The following SNX24 variants were observed in gnomAD, a reference collection of about 807,000 sequenced individuals.
SNX24 encodes the protein sorting nexin 24.
Under a neutral mutation model 28.7 loss-of-function variants are expected in SNX24, and 22 were observed. The observed-to-expected ratio is 0.77, with a 90% confidence interval of 0.55 to 1.10. SNX24 has a LOEUF of 1.10. Ranked by LOEUF, SNX24 falls within the 50% of genes least tolerant of loss-of-function variation. SNX24 has a pLI of 0.00. For missense variants in SNX24, 221 were observed against 201.1 expected (o/e 1.10, Z -0.60); for synonymous variants, 69 against 71.5 (o/e 0.96, Z 0.18).
chr5:122,851,357 A>G (rs1213247992), intron 1 of SNX24, among the ~76,000 whole-genome samples: 3 of 151,930 alleles, frequency 2.0e-5, no homozygotes, highest in African/African-American at 7.3e-5. Context: ...GTAGAGATGG[A>G]GTTTCATCAT....
chr5:122,928,070 C>T (rs1758778958), intron 1 of SNX24, among the ~76,000 whole-genome samples: 1 of 152,170 alleles, frequency 6.6e-6, no homozygotes, highest in Admixed American at 6.6e-5. Flanking sequence ...TTTCCACATG[C>T]AGTCATCAGC....
At chr5:122,970,288 T>G (rs967344223) in intron 3 of SNX24, among the ~76,000 whole-genome samples, 1 of 151,630 alleles carries the variant, frequency 6.6e-6, no homozygotes, top group Admixed American at 6.6e-5. Flanking sequence ...TTAAATGAAC[T>G]GCTCTATTTC....
intron 3 of SNX24, among the ~76,000 whole-genome samples, chr5:122,953,486 T>C (rs914415865): frequency 6.6e-6 from 1 of 151,022 alleles, no homozygotes; most frequent in African/African-American, 2.4e-5. Flanking sequence ...ACATAGCCAG[T>C]GATATTTCAG....
intron 5 of SNX24, chr5:123,025,999 A>G (rs372864400): frequency 4.0e-4 from 625 of 1,554,002 alleles, no homozygotes; most frequent in Admixed American, 6.1e-4. Context: ...AAGTCAACAG[A>G]TGTCTTCCAA....
rs147248730 is a variant in SNX24 at position 123,015,201 on chromosome 5, C to T, written n.383+13197C>T. The stretch of plus-strand genomic sequence containing the variant: ...GGCCCAGAGTCAATGTGAAGAACAA[C>T]TGTTGAATGGGTGGGTGGATGGCAG... On this transcript the variant is annotated intron_variant and non_coding_transcript_variant, in intron 5 of 5. Coordinates refer to the SNX24 transcript ENST00000502387. Among the ~76,000 whole-genome samples the T allele has an allele frequency of 1.2e-4, 19 of 152,342 alleles. 1 individual carries two copies. In the East Asian group the frequency reaches 3.3e-3, roughly 26 times the overall value.
chr5:122,893,067 C>T (rs1192016602), intron 1 of SNX24, among the ~76,000 whole-genome samples: 1 of 152,034 alleles, frequency 6.6e-6, no homozygotes, highest in Non-Finnish European at 1.5e-5. Flanking sequence ...CACTCGGCCC[C>T]GTTTCCTCTA....
At chr5:122,983,046 C>A (rs1461003922) in intron 3 of SNX24, 4 of 151,990 alleles carry the variant, frequency 2.6e-5, no homozygotes, top group Non-Finnish European at 5.9e-5. Flanking sequence ...CTAAAACACA[C>A]CTAATTCACC....
chr5:122,952,352 TACA>T (rs1759982349), intron 3 of SNX24, among the ~76,000 whole-genome samples: 1 of 152,124 alleles, frequency 6.6e-6, no homozygotes, highest in Admixed American at 6.5e-5. Context: ...AAAACAACAA[TACA>T]ACAACAAAAA....
chr5:122,856,048 C>G (rs1274773915), intron 1 of SNX24, among the ~76,000 whole-genome samples: 2 of 152,148 alleles, frequency 1.3e-5, no homozygotes, highest in Non-Finnish European at 2.9e-5. Context: ...GTTTGGCGTA[C>G]AGATTATTTC....
chr5:123,013,504 C>T (rs1049720853), downstream of SNX24, among the ~76,000 whole-genome samples: 3 of 152,292 alleles, frequency 2.0e-5, no homozygotes, highest in South Asian at 2.1e-4. Flanking sequence ...ATGTCTGCAA[C>T]GTTTATGTTT....
chr5:122,997,894 A>G (rs779877254), intron 3 of SNX24, among the ~76,000 whole-genome samples: 2 of 152,116 alleles, frequency 1.3e-5, no homozygotes, highest in Non-Finnish European at 2.9e-5. Flanking sequence ...AGGCTTTATT[A>G]TTCAAATAAG....
At chr5:122,925,997 A>T (rs932453680) in intron 1 of SNX24, among the ~76,000 whole-genome samples, 2 of 151,978 alleles carry the variant, frequency 1.3e-5, no homozygotes, top group Non-Finnish European at 2.9e-5. Flanking sequence ...TGGTGTGTGT[A>T]TGTGAGTGTG....
intron 1 of SNX24, among the ~76,000 whole-genome samples, chr5:122,884,468 C>T (rs1435234122): frequency 6.6e-6 from 1 of 151,662 alleles, no homozygotes; most frequent in Non-Finnish European, 1.5e-5. Context: ...GCTGGAGGCT[C>T]TTGAACTCCT....
At chr5:122,854,991 T>C (rs939297570) in intron 1 of SNX24, among the ~76,000 whole-genome samples, 2 of 152,194 alleles carry the variant, frequency 1.3e-5, no homozygotes, top group African/African-American at 4.8e-5. Flanking sequence ...GTGGGAATCT[T>C]TGTTTGCCTT....
At chr5:122,974,341 A>G (rs565015821) in intron 3 of SNX24, among the ~76,000 whole-genome samples, 86 of 152,310 alleles carry the variant, frequency 5.6e-4, no homozygotes, top group African/African-American at 2.0e-3. Flanking sequence ...TATCAGTGTT[A>G]TGGACCAGTG....
In SNX24 at chr5:123,024,019, T is replaced by C. The variant is rs976851409; in HGVS notation, n.384-5219T>C. 3.1e-6 allele frequency: 5 copies of C among 1,610,312 alleles called. No homozygotes were observed. The African/African-American group carries it at 6.7e-5, about 22-fold the overall frequency. On this transcript the variant is annotated intron_variant and non_coding_transcript_variant, in intron 5 of 5. Transcript: ENST00000502387. ...GCACCACTGTCTGGTGAGAGAAAAG[T>C]AGACACATGGTTTAATTCTGACCAG...
At chr5:122,957,854 T>C (rs1760280998) in intron 3 of SNX24, among the ~76,000 whole-genome samples, 1 of 152,214 alleles carries the variant, frequency 6.6e-6, no homozygotes, top group South Asian at 2.1e-4. Flanking sequence ...AAAATGTAAT[T>C]GATTTTTATG....
chr5:122,883,789 G>A (rs1286299953), intron 1 of SNX24, among the ~76,000 whole-genome samples: 1 of 151,902 alleles, frequency 6.6e-6, no homozygotes, highest in African/African-American at 2.4e-5. Context: ...AGCTGGGACT[G>A]CAGGCACGCA....
intron 3 of SNX24, among the ~76,000 whole-genome samples, chr5:122,996,358 G>A (rs1410083070): frequency 6.6e-6 from 1 of 152,192 alleles, no homozygotes; most frequent in Non-Finnish European, 1.5e-5. Context: ...CCCTGTCTAA[G>A]CTAAAAGCAG....
Sources: allele counts gnomAD v4.1 joint callset (sites outside exome capture counted in the v4.1 genomes callset), GRCh38; gene constraint gnomAD v4.1.1; transcripts MANE v1.5; gene names NCBI Gene and HGNC (gene_info 2026-07-23, HGNC 2026-07-21).